Variants in DLG2 observed in about 807,000 individuals in gnomAD.
DLG2 encodes discs large MAGUK scaffold protein 2.
A neutral mutation model predicts 132.5 loss-of-function variants in DLG2; 45 were observed. The observed-to-expected ratio is 0.34, with a 90% CI of 0.27 to 0.44. The LOEUF (loss-of-function observed/expected upper bound fraction) is 0.44. DLG2 is among the 20% of genes least tolerant of loss of function. DLG2 has a pLI of 1.00. For missense variants in DLG2, 1,045 were observed against 1,196.9 expected (o/e 0.87, Z 1.87); for synonymous variants, 424 against 419.6 (o/e 1.01, Z -0.13).
chr11:85,274,507 AAGACTAACC>A (rs1388281289), intron 4 of DLG2, among the ~76,000 whole-genome samples: 2 of 152,214 alleles, frequency 1.3e-5, no homozygotes, highest in Non-Finnish European at 1.5e-5. Flanking sequence ...GTTTACAAAT[AAGACTAACC>A]ATTACAGTAA....
intron 3 of DLG2, among the ~76,000 whole-genome samples, chr11:85,294,007 C>T (rs772615061): frequency 2.0e-5 from 3 of 151,726 alleles, no homozygotes; most frequent in Non-Finnish European, 4.4e-5. Flanking sequence ...TTTGGGACGC[C>T]GAAGTGGGAA....
At chr11:85,331,644 C>T (rs1226686079) in intron 3 of DLG2, among the ~76,000 whole-genome samples, 7 of 152,182 alleles carry the variant, frequency 4.6e-5, no homozygotes, top group South Asian at 4.2e-4. Context: ...TAGTAGGCCC[C>T]GGTGGCTATG....
intron 6 of DLG2, among the ~76,000 whole-genome samples, chr11:84,885,508 T>A (rs988617390): frequency 6.6e-6 from 1 of 152,036 alleles, no homozygotes; most frequent in Non-Finnish European, 1.5e-5. Context: ...CCTGGAATAA[T>A]GTTTTGTAAT....
chr11:83,573,983 T>C (rs1028522087), intron 19 of DLG2, among the ~76,000 whole-genome samples: 3 of 152,210 alleles, frequency 2.0e-5, no homozygotes, highest in Non-Finnish European at 2.9e-5. Context: ...ACATGTAAAA[T>C]AGTTAAAACC....
chr11:85,415,909 C>T (rs1223445436), intron 3 of DLG2, among the ~76,000 whole-genome samples: 1 of 152,024 alleles, frequency 6.6e-6, no homozygotes, highest in Non-Finnish European at 1.5e-5. Context: ...GTTTTGTTGC[C>T]ATTGCTTTTG....
chr11:83,876,899 C>T (rs946470391), intron 15 of DLG2, among the ~76,000 whole-genome samples: 18 of 152,138 alleles, frequency 1.2e-4, no homozygotes, highest in Admixed American at 2.0e-4. Context: ...AGTTACATAA[C>T]GTTACTTCCT....
At chr11:83,468,582 T>A (rs1204876493) in intron 25 of DLG2, among the ~76,000 whole-genome samples, 1 of 152,158 alleles carries the variant, frequency 6.6e-6, no homozygotes, top group Non-Finnish European at 1.5e-5. Context: ...ACCCAACAAA[T>A]ATCTTCTCCT....
intron 3 of DLG2, among the ~76,000 whole-genome samples, chr11:85,347,579 G>T (rs1008969047): frequency 6.6e-6 from 1 of 151,924 alleles, no homozygotes; most frequent in Non-Finnish European, 1.5e-5. Flanking sequence ...ATATAAAAGG[G>T]TATATAAGCT....
At chr11:83,518,835 G>A (rs919678624) in intron 21 of DLG2, among the ~76,000 whole-genome samples, 19 of 152,060 alleles carry the variant, frequency 1.2e-4, no homozygotes, top group Admixed American at 9.2e-4. Flanking sequence ...GAGAATTAAC[G>A]ATAAATAAAT....
At chr11:84,212,669 C>CT (rs1246280527) in intron 8 of DLG2, among the ~76,000 whole-genome samples, 1 of 152,104 alleles carries the variant, frequency 6.6e-6, no homozygotes, top group Non-Finnish European at 1.5e-5. Context: ...CTTACTTTCA[C>CT]TTTTTTTGAG....
chr11:84,526,701 T>C (rs563303197), intron 7 of DLG2, among the ~76,000 whole-genome samples: 2 of 152,110 alleles, frequency 1.3e-5, no homozygotes, highest in South Asian at 4.1e-4. Flanking sequence ...ATAACATACT[T>C]ATGAAAACAT....
chr11:84,650,873 G>GTATATATATATATATATATATATATA (rs71274437), intron 6 of DLG2, among the ~76,000 whole-genome samples: 4 of 123,978 alleles, frequency 3.2e-5, no homozygotes, highest in African/African-American at 1.3e-4. Flanking sequence ...GTGTGTGTGT[G>GTATATATATATATATATATATATATA]TATATATATA....
intron 16 of DLG2, among the ~76,000 whole-genome samples, chr11:83,834,658 G>T (rs2055606739): frequency 6.6e-6 from 1 of 152,132 alleles, no homozygotes; most frequent in South Asian, 2.1e-4. Context: ...AGGAATATGG[G>T]CCTTCAGAGA....
intron 9 of DLG2, among the ~76,000 whole-genome samples, chr11:84,119,365 C>T (rs1287081269): frequency 6.6e-6 from 1 of 151,834 alleles, no homozygotes; most frequent in African/African-American, 2.4e-5. Flanking sequence ...ACCACCACGG[C>T]AAAGTAGGGG....
At position 85,233,095 on chromosome 11, in the gene DLG2, GT is replaced by G. The variant is rs902115642; in HGVS notation, c.186+52124del. On this transcript the variant is annotated intron_variant, in intron 4 of 27. Transcript: ENST00000376104. Reference sequence around the variant, plus strand: ...GCAATAGTTTGGTAGATTTCATGTGGTTTTTTTTCCTTTTCCTTATAAGGAG... The same window carrying G: ...GCAATAGTTTGGTAGATTTCATGTGGTTTTTTTCCTTTTCCTTATAAGGAG... 4.0e-5 allele frequency among the ~76,000 whole-genome samples: 6 copies of G among 151,364 alleles called. No homozygotes were observed. In the Admixed American group the frequency reaches 4.0e-4, roughly 10 times the overall value.
intron 9 of DLG2, among the ~76,000 whole-genome samples, chr11:84,132,298 T>C (rs2094449812): frequency 6.6e-6 from 1 of 151,998 alleles, no homozygotes; most frequent in Admixed American, 6.6e-5. Flanking sequence ...ATCAGGGTGT[T>C]GGCAAGATAC....
At chr11:83,940,502 T>C (rs2082406733) in intron 14 of DLG2, among the ~76,000 whole-genome samples, 1 of 152,204 alleles carries the variant, frequency 6.6e-6, no homozygotes, top group South Asian at 2.1e-4. Flanking sequence ...AAGGTTGGCA[T>C]TAACCTGCCC....
intron 10 of DLG2, among the ~76,000 whole-genome samples, chr11:84,091,296 T>C (rs1221072181): frequency 1.3e-5 from 2 of 152,190 alleles, no homozygotes; most frequent in Non-Finnish European, 2.9e-5. Context: ...CATCTCACAT[T>C]TTCCCTGCAG....
intron 3 of DLG2, among the ~76,000 whole-genome samples, chr11:85,390,789 C>A (rs1005605266): frequency 6.6e-6 from 1 of 151,878 alleles, no homozygotes; most frequent in African/African-American, 2.4e-5. Context: ...ATAACAAAAG[C>A]AGTGCTAAGA....
Sources: allele counts gnomAD v4.1 joint callset (sites outside exome capture counted in the v4.1 genomes callset), GRCh38; gene constraint gnomAD v4.1.1; transcripts MANE v1.5; gene names NCBI Gene and HGNC (gene_info 2026-07-23, HGNC 2026-07-21).